MON2: variants seen among roughly 807,000 people sequenced by gnomAD.
MON2 encodes the protein protein MON2 homolog.
Under a neutral mutation model 208.6 loss-of-function variants are expected in MON2, and 84 were observed. The ratio of observed to expected loss-of-function variants is 0.40; its 90% CI spans 0.34 to 0.48. The LOEUF (loss-of-function observed/expected upper bound fraction) is 0.48. MON2 is among the 20% of genes least tolerant of loss of function. The probability of loss-of-function intolerance (pLI) is 0.59; values close to 1 mark genes in which losing one functional copy is unlikely to be tolerated. For synonymous variants in MON2, 660 were observed against 694.0 expected (o/e 0.95, Z 0.77); for missense variants, 1,611 against 2,015.4 (o/e 0.80, Z 3.84).
At position 62,525,151 on chromosome 12, in the gene MON2, C is replaced by G; in HGVS notation, c.1177C>G (p.Leu393Val). Residue 393 changes from leucine to valine, a missense_variant, in exon 10 of 35, where the codon CTG (leucine) becomes GTG (valine). By Grantham distance (32) the Leu-to-Val change is conservative (BLOSUM62 1). Transcript: ENST00000393630. Reference protein sequence around the residue: ...TKVFRDIVNALGSFIQSLFLV... With the variant: ...TKVFRDIVNAVGSFIQSLFLV... ...GGTTTTTCGTGATATTGTAAATGCA[C>G]TGGGATCTTTTATACAGTCCTTGTT... 1 of 1,612,142 alleles carries G rather than the reference C, an allele frequency of 6.2e-7. No individual in the cohort carries two copies. Among genetic ancestry groups the G allele is most frequent in the Non-Finnish European group, 8.5e-7 (1 of 1,178,352 alleles).
Position 62,538,514 on chromosome 12 carries a change from T to G in MON2, c.2364+9T>G, listed in dbSNP as rs757577008. On this transcript the variant is annotated intron_variant, in intron 19 of 34. Transcript: ENST00000393630. ...CCTATGGAAATAATAAGGTGTGATA[T>G]TCTACCTTTCTGTTTTAGATATGAT... 9 of 1,539,318 alleles carry G rather than the reference T, an allele frequency of 5.8e-6. No individual in the cohort carries two copies. The highest frequency in any genetic ancestry group is 5.1e-5 in the Admixed American group (3 of 59,010).
rs202106381 is a variant in MON2, at chr12:62,532,558, A to G, written c.1521A>G (p.Leu507=). 153 of 1,614,104 alleles carry G rather than the reference A, an allele frequency of 9.5e-5. No individual in the cohort carries two copies. In the East Asian group the frequency reaches 3.2e-3, roughly 34 times the overall value. Residue 507 remains leucine, a synonymous_variant, in exon 12 of 35, where the codon CTA becomes CTG. Coordinates refer to ENST00000393630, the MANE Select transcript of MON2 (RefSeq NM_015026.3). The part of the protein sequence containing the change: ...RGITSMIEGE[L]GELETECQTT... The stretch of plus-strand genomic sequence containing the variant: ...TCACAAGTATGATTGAAGGAGAGCT[A>G]GGAGAGCTTGAAACAGAATGTCAAA...
intron 8 of MON2, among the ~76,000 whole-genome samples, chr12:62,519,976 C>T (rs1421386102): frequency 4.6e-5 from 7 of 152,164 alleles, no homozygotes; most frequent in Admixed American, 2.0e-4. Context: ...CCACCACGCC[C>T]GGCTAATTTT....
At chr12:62,567,658 T>G (rs529341569) in intron 29 of MON2, among the ~76,000 whole-genome samples, 1 of 152,188 alleles carries the variant, frequency 6.6e-6, no homozygotes, top group African/African-American at 2.4e-5. Context: ...ACCAAAACTA[T>G]CCTCTCACTT....
At chr12:62,544,778 C>T in intron 20 of MON2, 120 bp from the exon 21 acceptor site, 2 of 1,539,534 alleles carry the variant, frequency 1.3e-6, no homozygotes, top group East Asian at 5.0e-5. Context: ...GGTAAGCTAA[C>T]TTACATTTTG....
chr12:62,547,228 A>T (rs989540452), intron 22 of MON2, among the ~76,000 whole-genome samples, 156 bp downstream of exon 22: 2 of 152,210 alleles, frequency 1.3e-5, no homozygotes, highest in African/African-American at 4.8e-5. Context: ...TTCCTGCTTA[A>T]GGCTAAGATC....
At chr12:62,514,639 C>T (rs533885481) in intron 8 of MON2, among the ~76,000 whole-genome samples, 19 of 152,194 alleles carry the variant, frequency 1.2e-4, no homozygotes, top group African/African-American at 4.3e-4. Flanking sequence ...TCCCAGAACA[C>T]GTGGGAATTA....
At chr12:62,491,987 T>C (rs1364663272) in intron 2 of MON2, among the ~76,000 whole-genome samples, 1 of 152,194 alleles carries the variant, frequency 6.6e-6, no homozygotes, top group East Asian at 1.9e-4. Flanking sequence ...AATTTGTCTC[T>C]AGGTTTGAAT....
rs543445172 is a variant in MON2, at chr12:62,532,765, C to G, written c.1633+95C>G. On this transcript the variant is annotated intron_variant, in intron 12 of 34. Coordinates refer to ENST00000393630, the MANE Select transcript of MON2 (RefSeq NM_015026.3). ...TTATAAATCTTTCACCCTGACTTCTCAAGTGTTAACCACTTTCCCACATTT... is the reference window on the plus strand; with the variant it reads ...TTATAAATCTTTCACCCTGACTTCTGAAGTGTTAACCACTTTCCCACATTT... The G allele has an allele frequency of 5.9e-5, 50 of 852,466 alleles. No homozygotes were observed. In the Admixed American group the frequency reaches 8.8e-4, roughly 15 times the overall value. The allele number at this position is 852,466 out of a possible 1,614,324, so 52.8% of individuals were successfully genotyped here. A position where few individuals can be genotyped will look rare whatever the true frequency, so the allele number is the denominator to read the frequency against.
Position 62,550,809 on chromosome 12 carries a change from G to A in MON2, c.2916+979G>A, listed in dbSNP as rs571159772. 4.5e-4 allele frequency among the ~76,000 whole-genome samples: 69 copies of A among 151,974 alleles called. 2 individuals carry two copies. Among genetic ancestry groups the A allele is most frequent in the Admixed American group, 3.4e-3 (52 of 15,244 alleles). On this transcript the variant is annotated intron_variant, in intron 23 of 34. Coordinates refer to ENST00000393630, the MANE Select transcript of MON2 (RefSeq NM_015026.3). ...ATTAGGGTCTTTCTCTGGATTAGGC[G>A]TTGGCTTAAGGGAATCTTGTAGCTG...
In MON2 at chr12:62,547,058, C is replaced by T; in HGVS notation, c.2739C>T (p.Ile913=). 3 of 1,571,092 alleles carry T rather than the reference C, an allele frequency of 1.9e-6. No homozygotes were observed. The highest frequency in any genetic ancestry group is 2.6e-6 in the Non-Finnish European group (3 of 1,157,736). Residue 913 remains isoleucine, a synonymous_variant, in exon 22 of 35, where the codon ATC becomes ATT. Transcript: ENST00000393630. ...WPLVLGVMGA[I]RNDQGESLIR... Reference sequence around the variant, plus strand: ...TAGTGCTTGGAGTCATGGGAGCAATCAGAAATGATCAAGGGTAAGTATTTA... The same window carrying T: ...TAGTGCTTGGAGTCATGGGAGCAATTAGAAATGATCAAGGGTAAGTATTTA...
intron 8 of MON2, among the ~76,000 whole-genome samples, chr12:62,510,931 A>G (rs1055175657): frequency 2.0e-5 from 3 of 152,254 alleles, no homozygotes; most frequent in Non-Finnish European, 4.4e-5. Context: ...ACTAATAAAC[A>G]TAGCAAAGTT....
At chr12:62,522,653 C>T (rs1213746847) in intron 8 of MON2, among the ~76,000 whole-genome samples, 1 of 152,132 alleles carries the variant, frequency 6.6e-6, no homozygotes, top group Non-Finnish European at 1.5e-5. Context: ...GGATTTATAC[C>T]ATAAGTGCTA....
intron 2 of MON2, among the ~76,000 whole-genome samples, chr12:62,489,696 C>A (rs541791205): frequency 6.6e-6 from 1 of 152,112 alleles, no homozygotes; most frequent in South Asian, 2.1e-4. Flanking sequence ...ACCAATTGAA[C>A]CAACATCATT....
intron 23 of MON2, among the ~76,000 whole-genome samples, chr12:62,551,600 A>C (rs2073749475): frequency 6.6e-6 from 1 of 152,224 alleles, no homozygotes; most frequent in Non-Finnish European, 1.5e-5. Context: ...CTGGAAAAAA[A>C]CGGTACCAAC....
intron 14 of MON2, 48 bp downstream of exon 14, chr12:62,535,757 G>A: frequency 1.4e-6 from 2 of 1,411,852 alleles, no homozygotes; most frequent in South Asian, 2.9e-5. Context: ...GGATGATATG[G>A]TGTAGACAGA....
chr12:62,507,756 A>G (rs1207077572), intron 7 of MON2, among the ~76,000 whole-genome samples: 1 of 152,058 alleles, frequency 6.6e-6, no homozygotes, highest in African/African-American at 2.4e-5. Flanking sequence ...ACTTCTTGTA[A>G]TACTGATTAT....
chr12:62,536,972 G>A (rs968385818), intron 14 of MON2, among the ~76,000 whole-genome samples, 179 bp from the exon 15 acceptor site: 1 of 152,144 alleles, frequency 6.6e-6, no homozygotes, highest in African/African-American at 2.4e-5. Context: ...TTACAGGTGT[G>A]AGCCACTGTG....
chr12:62,508,019 C>T (rs1011460064), intron 7 of MON2, among the ~76,000 whole-genome samples: 1 of 152,156 alleles, frequency 6.6e-6, no homozygotes, highest in Non-Finnish European at 1.5e-5. Flanking sequence ...TATCCTCCCA[C>T]CTTGGGCTCC....
Sources: gnomAD v4.1 joint callset for allele counts (sites outside exome capture counted in the v4.1 genomes callset) on GRCh38, gnomAD v4.1.1 for gene constraint, MANE v1.5 for transcripts, NCBI Gene and HGNC (gene_info 2026-07-23, HGNC 2026-07-21) for gene names.